LIFR: variants seen among roughly 807,000 people sequenced by gnomAD.
LIFR encodes LIF receptor subunit alpha, also known as leukemia inhibitory factor receptor.
In LIFR, 84 loss-of-function variants were observed where a neutral mutation model predicts 122.2. The ratio of observed to expected loss-of-function variants is 0.69; its 90% CI spans 0.58 to 0.82. LIFR has a LOEUF of 0.82. LIFR is among the 40% of genes least tolerant of loss of function. The pLI is 0.00. For missense variants in LIFR, 1,294 were observed against 1,311.6 expected, an observed-to-expected ratio of 0.99 and a Z score of 0.21; for synonymous variants, 422 against 434.7, an observed-to-expected ratio of 0.97 and a Z score of 0.36.
chr5:38,490,371 T>C, intron 14 of LIFR, 80 bp from the exon 15 acceptor site: 1 of 593,732 alleles, frequency 1.7e-6, no homozygotes, highest in South Asian at 2.6e-5. Flanking sequence ...GTTCATAACA[T>C]ACTCTAAAAT....
chr5:38,578,837 G>A (rs562623066), intron 1 of LIFR, among the ~76,000 whole-genome samples: 5 of 152,260 alleles, frequency 3.3e-5, no homozygotes, highest in Admixed American at 6.5e-5. Context: ...GATTACAGGC[G>A]TGAGCCACCA....
chr5:38,518,401 T>C (rs1746219406), intron 5 of LIFR, among the ~76,000 whole-genome samples: 1 of 152,040 alleles, frequency 6.6e-6, no homozygotes, highest in South Asian at 2.1e-4. Context: ...ATAAAAAGAA[T>C]CAAGGTATAC....
chr5:38,499,608 T>C (rs1251437088), intron 11 of LIFR, 25 bp from the exon 12 acceptor site: 2 of 1,482,084 alleles, frequency 1.3e-6, no homozygotes, highest in East Asian at 2.3e-5. Flanking sequence ...TTAAAGTTAA[T>C]ATCTGAAGAC....
intron 18 of LIFR, 52 bp from the exon 19 acceptor site, chr5:38,482,719 T>G: frequency 1.4e-6 from 1 of 714,160 alleles, no homozygotes; most frequent in East Asian, 2.9e-5. Flanking sequence ...GATTATTAGA[T>G]AATAAATTAA....
At chr5:38,505,305 G>C (rs1440364856) in intron 9 of LIFR, among the ~76,000 whole-genome samples, 1 of 151,956 alleles carries the variant, frequency 6.6e-6, no homozygotes. Flanking sequence ...ATGCTGGAAG[G>C]GCAACATGAG....
Position 38,480,650 on chromosome 5 carries a change from A to T in LIFR, c.*945T>A, listed in dbSNP as rs989630692. On this transcript the variant is annotated 3_prime_UTR_variant, in exon 20 of 20. Transcript: ENST00000453190. ...AGGAACGAAATCCAATCAGAACTAT[A>T]TGGACAGCTAACGCTGCTAGATATT... 4.6e-6 allele frequency: 1 copy of T among 216,604 alleles called. No homozygotes were observed. Among genetic ancestry groups the T allele is most frequent in the African/African-American group, 2.3e-5 (1 of 44,396 alleles). 13.4% of individuals were successfully genotyped at this position (216,604 alleles called of 1,614,324 possible).
chr5:38,585,215 A>G (rs922388694), intron 1 of LIFR, among the ~76,000 whole-genome samples: 2 of 152,248 alleles, frequency 1.3e-5, no homozygotes, highest in African/African-American at 4.8e-5. Flanking sequence ...TGACTTAACC[A>G]GCTCTTCTAA....
At chr5:38,606,543 C>A (rs572824940) in intron 1 of LIFR, among the ~76,000 whole-genome samples, 6 of 152,102 alleles carry the variant, frequency 3.9e-5, no homozygotes, top group Non-Finnish European at 7.4e-5. Flanking sequence ...TAATTACCTG[C>A]GAGCACAAAT....
At chr5:38,527,322 G>C (rs973337748) in intron 3 of LIFR, 28 bp from the exon 4 acceptor site, 2 of 1,403,932 alleles carry the variant, frequency 1.4e-6, no homozygotes, top group Non-Finnish European at 2.0e-6. Context: ...ATTTTAATTA[G>C]CAAATAAAAT....
chr5:38,601,917 T>C (rs1750229558), intron 2 of LIFR, among the ~76,000 whole-genome samples: 1 of 152,218 alleles, frequency 6.6e-6, no homozygotes, highest in Admixed American at 6.5e-5. Flanking sequence ...GTCTCCTGTG[T>C]TCTCACTGCT....
chr5:38,509,320 A>G (rs190306896), intron 7 of LIFR, among the ~76,000 whole-genome samples: 30 of 152,330 alleles, frequency 2.0e-4, no homozygotes, highest in Non-Finnish European at 2.4e-4. Context: ...ATTTCCTAAC[A>G]TTCCATTAAG....
At chr5:38,553,652 A>ATAT (rs1159966687) in intron 1 of LIFR, among the ~76,000 whole-genome samples, 6 of 102,816 alleles carry the variant, frequency 5.8e-5, no homozygotes, top group Non-Finnish European at 1.1e-4. Flanking sequence ...ATATATATAT[A>ATAT]TATATATATA....
At chr5:38,500,092 C>T (rs1745097898) in intron 11 of LIFR, among the ~76,000 whole-genome samples, 1 of 152,204 alleles carries the variant, frequency 6.6e-6, no homozygotes, top group Non-Finnish European at 1.5e-5. Flanking sequence ...CCTTATCCCT[C>T]AGCCTCTATT....
In LIFR at chr5:38,480,696, A is replaced by C; in HGVS notation, c.*899T>G. On this transcript the variant is annotated 3_prime_UTR_variant, in exon 20 of 20. Transcript: ENST00000453190. ...ATATTGCTTAGTAGTCATCTCACAT[A>C]GTAAGTCACTGGAATTACATGCTTA... 1 of 211,114 alleles carries C rather than the reference A, an allele frequency of 4.7e-6. No homozygotes were observed. The highest frequency in any genetic ancestry group is 9.6e-6 in the Non-Finnish European group (1 of 104,170). The allele number at this position is 211,114 out of a possible 1,614,324, so 13.1% of individuals were successfully genotyped here. A position where few individuals can be genotyped will look rare whatever the true frequency, so the allele number is the denominator to read the frequency against.
chr5:38,488,460 A>G (rs1439868146), intron 16 of LIFR, among the ~76,000 whole-genome samples: 2 of 152,236 alleles, frequency 1.3e-5, no homozygotes, highest in African/African-American at 4.8e-5. Flanking sequence ...TGAATAAGAA[A>G]TATCTGATTC....
chr5:38,499,254 G>A (rs915645867), intron 12 of LIFR, among the ~76,000 whole-genome samples: 9 of 152,272 alleles, frequency 5.9e-5, no homozygotes, highest in African/African-American at 2.2e-4. Flanking sequence ...TGGAATTCAT[G>A]AAATCTTCAG....
At chr5:38,562,077 CAGGA>C (rs1748858856) in intron 1 of LIFR, among the ~76,000 whole-genome samples, 2 of 152,284 alleles carry the variant, frequency 1.3e-5, no homozygotes, top group Non-Finnish European at 2.9e-5. Context: ...CAGCCAGTGA[CAGGA>C]GGGAGGGAGA....
rs1743693346 is a variant in LIFR, at chr5:38,475,701, T to A, written c.*5894A>T. 5.3e-6 allele frequency: 1 copy of A among 188,330 alleles called. No homozygotes were observed. Among genetic ancestry groups the A allele is most frequent in the Non-Finnish European group, 1.1e-5 (1 of 89,292 alleles). The allele number at this position is 188,330 out of a possible 1,614,324, so 11.7% of individuals were successfully genotyped here. ...GTATTTTGTAAACAGTAATTCACTA[T>A]AATGCAATTTTGAAAGTAAAAAAAG... is the stretch of plus-strand genomic sequence containing the variant. On this transcript the variant is annotated 3_prime_UTR_variant, in exon 20 of 20. Coordinates refer to ENST00000453190, the MANE Select transcript of LIFR (RefSeq NM_001127671.2).
At chr5:38,550,254 G>T in intron 1 of LIFR, 2 of 975,184 alleles carry the variant, frequency 2.1e-6, no homozygotes, top group Non-Finnish European at 2.4e-6. Flanking sequence ...TCCCCATATG[G>T]CCATAAATTT....
Sources: gnomAD v4.1 joint callset for allele counts (sites outside exome capture counted in the v4.1 genomes callset) on GRCh38, gnomAD v4.1.1 for gene constraint, MANE v1.5 for transcripts, NCBI Gene and HGNC (gene_info 2026-07-23, HGNC 2026-07-21) for gene names.